The following MMD2 variants were observed in gnomAD, a reference collection of about 807,000 sequenced individuals.
MMD2 encodes monocyte to macrophage differentiation associated 2, also known as monocyte to macrophage differentiation factor 2.
A neutral mutation model predicts 33.5 loss-of-function variants in MMD2; 30 were observed. The ratio of observed to expected loss-of-function variants is 0.90; its 90% CI spans 0.67 to 1.22. The LOEUF (loss-of-function observed/expected upper bound fraction) is 1.22, where lower values mean the gene tolerates loss of function less well. MMD2 is among the 50% of genes most tolerant of loss of function. The pLI is 0.00. For missense variants in MMD2, 364 were observed against 325.4 expected (o/e 1.12, Z -0.91); for synonymous variants, 129 against 123.0 (o/e 1.05, Z -0.32).
intron 1 of MMD2, among the ~76,000 whole-genome samples, chr7:4,929,187 G>A (rs1290979062): frequency 6.6e-6 from 1 of 152,042 alleles, no homozygotes; most frequent in African/African-American, 2.4e-5. Context: ...GGACTCCATG[G>A]TCACGTGATT....
intron 3 of MMD2, among the ~76,000 whole-genome samples, chr7:4,918,321 A>G (rs757102682): frequency 6.6e-6 from 1 of 152,198 alleles, no homozygotes; most frequent in African/African-American, 2.4e-5. Context: ...AAATTTGACT[A>G]ATGATTGTAT....
At chr7:4,935,029 T>C (rs918392221) in intron 1 of MMD2, among the ~76,000 whole-genome samples, 8 of 151,826 alleles carry the variant, frequency 5.3e-5, no homozygotes, top group African/African-American at 1.7e-4. Context: ...CTACTAAAAA[T>C]ACAAAAATTA....
At chr7:4,915,740 A>C (rs1354424429) in intron 4 of MMD2, among the ~76,000 whole-genome samples, 1 of 150,596 alleles carries the variant, frequency 6.6e-6, no homozygotes, top group South Asian at 2.1e-4. Flanking sequence ...ATTCTGTCTC[A>C]GAATTCTCAG....
chr7:4,939,467 C>T (rs890585214), intron 1 of MMD2, among the ~76,000 whole-genome samples: 4 of 149,890 alleles, frequency 2.7e-5, no homozygotes, highest in Non-Finnish European at 5.9e-5. Flanking sequence ...AGCTTGAACC[C>T]AGGAATTTGA....
intron 4 of MMD2, among the ~76,000 whole-genome samples, chr7:4,911,635 A>G (rs555489423): frequency 6.6e-6 from 1 of 150,512 alleles, no homozygotes; most frequent in Admixed American, 6.7e-5. Context: ...TATTTTATTT[A>G]TTTTATTTTA....
rs369298987 is a variant in MMD2, at chr7:4,925,514, G to A, written c.66C>T (p.Val22=). ...TGGGCTGGTACCTCTTGTGGGCAGG[G>A]ACTCGGTGGTTCATGAACCTGGAAG... is the stretch of plus-strand genomic sequence containing the variant. ...TKYARFMNHR[V]PAHKRYQPTE... The change falls in exon 2 of 7, where the codon GTC becomes GTT. Residue 22 remains valine (V), a synonymous_variant. Transcript: ENST00000401401. 282 of 1,576,166 alleles carry A rather than the reference G, an allele frequency of 1.8e-4. No homozygotes were observed. The highest frequency in any genetic ancestry group is 1.8e-4 in the Non-Finnish European group (212 of 1,159,068).
chr7:4,919,405 C>T (rs10272933), intron 3 of MMD2, among the ~76,000 whole-genome samples: 32,752 of 151,762 alleles, frequency 0.22, 3,550 homozygotes, highest in Middle Eastern at 0.28. Flanking sequence ...CCCATCTCTA[C>T]AAAAAGATAC....
intron 1 of MMD2, among the ~76,000 whole-genome samples, chr7:4,949,573 G>A (rs1370283701): frequency 6.6e-6 from 1 of 151,636 alleles, no homozygotes; most frequent in Non-Finnish European, 1.5e-5. Flanking sequence ...GTGCAATGGT[G>A]CAATCTCGGC....
At chr7:4,950,089 G>A (rs1269334921) in intron 1 of MMD2, among the ~76,000 whole-genome samples, 2 of 151,592 alleles carry the variant, frequency 1.3e-5, no homozygotes, top group East Asian at 3.9e-4. Flanking sequence ...TTGTGTGTGT[G>A]TGTGTGTGTG....
intron 4 of MMD2, among the ~76,000 whole-genome samples, chr7:4,913,217 T>C (rs938940956): frequency 1.1e-4 from 16 of 152,180 alleles, no homozygotes; most frequent in African/African-American, 3.9e-4. Context: ...GGTAGAAGGA[T>C]AGGACGGGAT....
In MMD2 at chr7:4,907,369, C is replaced by A. The variant is rs200628439; in HGVS notation, c.*27G>T. On this transcript the variant is annotated 3_prime_UTR_variant, in exon 7 of 7. Transcript: ENST00000401401. Reference sequence around the variant, plus strand: ...AGAAACGTGCTCCACTCCTAAAGCCCAAACGACCTCTCAAGTCTGGGTCAC... The same window carrying A: ...AGAAACGTGCTCCACTCCTAAAGCCAAAACGACCTCTCAAGTCTGGGTCAC... The A allele has an allele frequency of 7.8e-5, 125 of 1,612,112 alleles. 1 individual carries two copies. The African/African-American group carries it at 1.6e-3, about 20-fold the overall frequency.
intron 1 of MMD2, among the ~76,000 whole-genome samples, chr7:4,936,535 A>G (rs1785746393): frequency 6.6e-6 from 1 of 152,084 alleles, no homozygotes; most frequent in Non-Finnish European, 1.5e-5. Flanking sequence ...ATGTAACTAC[A>G]ATAAAAGTGT....
At chr7:4,935,983 G>A (rs1009759468) in intron 1 of MMD2, among the ~76,000 whole-genome samples, 17 of 151,918 alleles carry the variant, frequency 1.1e-4, no homozygotes, top group Admixed American at 7.2e-4. Flanking sequence ...TCAGGAGTTC[G>A]AGACCAGCCT....
At chr7:4,910,862 C>G (rs1464741581) in intron 5 of MMD2, among the ~76,000 whole-genome samples, 2 of 152,194 alleles carry the variant, frequency 1.3e-5, no homozygotes, top group Non-Finnish European at 2.9e-5. Flanking sequence ...CTCCTGACCT[C>G]AAGTGATCTG....
chr7:4,916,193 C>G, intron 3 of MMD2, 114 bp from the exon 4 acceptor site: 16 of 911,952 alleles, frequency 1.8e-5, no homozygotes, highest in Non-Finnish European at 2.4e-5. Context: ...CAGGGCTGGG[C>G]TCCTCTGTCC....
rs1023345500 is a variant in MMD2 at position 4,958,973 on chromosome 7, C to A, written c.45G>T (p.Ala15=). 3.9e-6 allele frequency: 5 copies of A among 1,287,480 alleles called. No homozygotes were observed. Among genetic ancestry groups the A allele is most frequent in the East Asian group, 3.1e-5 (1 of 31,840 alleles). 79.8% of individuals were successfully genotyped at this position (1,287,480 alleles called of 1,614,324 possible). A position where few individuals can be genotyped will look rare whatever the true frequency, so the allele number is the denominator to read the frequency against. The change falls in exon 1 of 7, where the codon GCG becomes GCT. Residue 15 remains alanine, a splice_region_variant and synonymous_variant. Transcript: ENST00000401401. Reference sequence around the variant, plus strand: ...GGACCTCCGCGGCCGCCGCTCACCTCGCGTATTTCGTCTTCTGGAAATCCA... The same window carrying A: ...GGACCTCCGCGGCCGCCGCTCACCTAGCGTATTTCGTCTTCTGGAAATCCA... The part of the protein sequence containing the change: ...RLLDFQKTKY[A]RFMNHRVPAH...
chr7:4,956,859 G>C (rs1208660943), intron 1 of MMD2, among the ~76,000 whole-genome samples: 3 of 152,044 alleles, frequency 2.0e-5, no homozygotes, highest in African/African-American at 4.8e-5. Flanking sequence ...CCCGTGAACA[G>C]TCCACCAACT....
intron 4 of MMD2, among the ~76,000 whole-genome samples, chr7:4,913,110 A>G (rs138068837): frequency 6.6e-6 from 1 of 152,228 alleles, no homozygotes; most frequent in Non-Finnish European, 1.5e-5. Flanking sequence ...CGAAAAGTTT[A>G]AGAGTAAAAA....
At chr7:4,893,477 C>T in the MMD2 span, among the ~76,000 whole-genome samples, 1 of 151,818 alleles carries the variant, frequency 6.6e-6, no homozygotes, top group African/African-American at 2.4e-5. Flanking sequence ...CTGCAACCTC[C>T]ACCTCTCAGG....
Sources: allele counts gnomAD v4.1 joint callset (sites outside exome capture counted in the v4.1 genomes callset), GRCh38; gene constraint gnomAD v4.1.1; transcripts MANE v1.5; gene names NCBI Gene and HGNC (gene_info 2026-07-23, HGNC 2026-07-21).